The following TECPR1 variants were observed in gnomAD, a reference collection of about 807,000 sequenced individuals.
The protein encoded by TECPR1 is tectonin beta-propeller repeat-containing protein 1.
In TECPR1, 122 loss-of-function variants were observed where a neutral mutation model predicts 162.4. That is an observed-to-expected ratio of 0.75 (90% CI 0.65 to 0.87). The LOEUF (loss-of-function observed/expected upper bound fraction) is 0.87, where lower values mean the gene tolerates loss of function less well. Ranked by LOEUF, TECPR1 falls within the 40% of genes least tolerant of loss-of-function variation. The pLI, the probability that TECPR1 is intolerant of heterozygous loss-of-function variation, is 0.00. For synonymous variants in TECPR1, 642 were observed against 670.6 expected (o/e 0.96, Z 0.66); for missense variants, 1,432 against 1,618.2 (o/e 0.88, Z 1.97).
rs531618264 is a variant in TECPR1, at chr7:98,241,626, C to T, written c.658-382G>A. On this transcript the variant is annotated intron_variant, in intron 6 of 25. Coordinates refer to ENST00000447648, the MANE Select transcript of TECPR1 (RefSeq NM_015395.3). This position sits in a 1 kb window ranked among gnomAD's most constrained non-coding sequence, Gnocchi z 5.0. ...ACTCCCATTCATAAACTATCTAAGA[C>T]GTCAGTTCTTTTTTCCTTCACTGAA... Among the ~76,000 whole-genome samples, 3 of 152,218 alleles carry T rather than the reference C, an allele frequency of 2.0e-5. No individual in the cohort carries two copies. Among genetic ancestry groups the T allele is most frequent in the African/African-American group, 7.2e-5 (3 of 41,456 alleles).
intron 13 of TECPR1, 183 bp from the exon 14 acceptor site, chr7:98,231,556 T>C: frequency 2.5e-6 from 1 of 393,388 alleles, no homozygotes; most frequent in Non-Finnish European, 4.1e-6. Context: ...CCCCCATTTC[T>C]GTACCCCCTC....
At position 98,215,516 on chromosome 7, in the gene TECPR1, T is replaced by G. The variant is rs1485016694; in HGVS notation, c.*1874A>C. 6.6e-6 allele frequency: 1 copy of G among 152,204 alleles called. No homozygotes were observed. The highest frequency in any genetic ancestry group is 1.5e-5 in the Non-Finnish European group (1 of 68,050). 9.4% of individuals were successfully genotyped at this position (152,204 alleles called of 1,614,324 possible). ...ATAAAAAACACCAGGGCACGGACAC[T>G]CCAGGGGAAATGCTTATTGAGTAAA... On this transcript the variant is annotated 3_prime_UTR_variant, in exon 26 of 26. Coordinates refer to ENST00000447648, the MANE Select transcript of TECPR1 (RefSeq NM_015395.3).
intron 9 of TECPR1, among the ~76,000 whole-genome samples, chr7:98,237,232 G>A (rs919433688): frequency 2.0e-5 from 3 of 152,100 alleles, no homozygotes; most frequent in Admixed American, 1.3e-4. Context: ...CCTGTCTTGC[G>A]TGTGCCCTCT....
chr7:98,232,022 G>A lies in TECPR1; in HGVS notation c.1819-63C>T, dbSNP rs981364375. On this transcript the variant is annotated intron_variant, in intron 12 of 25. Transcript: ENST00000447648. The surrounding 1 kb of genome is among the most constrained non-coding windows in gnomAD (Gnocchi z 4.6). ...GCCCGGGGTGCCAGGGGAGGAGGGCGGGGCTGGGGGTGCCCAGAGGAGGAG... is the reference window on the plus strand; with the variant it reads ...GCCCGGGGTGCCAGGGGAGGAGGGCAGGGCTGGGGGTGCCCAGAGGAGGAG... The A allele has an allele frequency of 1.5e-5, 23 of 1,523,434 alleles. No individual in the cohort carries two copies. Among genetic ancestry groups the A allele is most frequent in the East Asian group, 9.7e-5 (4 of 41,288 alleles). The allele number at this position is 1,523,434 out of a possible 1,614,324, so 94.4% of individuals were successfully genotyped here. A position where few individuals can be genotyped will look rare whatever the true frequency, so the allele number is the denominator to read the frequency against.
chr7:98,222,672 G>C (rs1321595085), intron 21 of TECPR1, 151 bp from the exon 22 acceptor site: 1 of 1,013,912 alleles, frequency 9.9e-7, no homozygotes, highest in African/African-American at 1.6e-5. Flanking sequence ...GCCTGATCTC[G>C]GTGCTTGTTG....
intron 17 of TECPR1, among the ~76,000 whole-genome samples, chr7:98,225,992 G>T (rs761728277): frequency 1.3e-5 from 2 of 152,208 alleles, no homozygotes; most frequent in African/African-American, 2.4e-5. Context: ...CACTCGAGTG[G>T]CAGGAAGCAG....
intron 8 of TECPR1, among the ~76,000 whole-genome samples, chr7:98,240,096 G>A (rs1295797035): frequency 9.2e-5 from 14 of 151,878 alleles, no homozygotes; most frequent in Admixed American, 8.5e-4. Context: ...GTGACAGAGC[G>A]ACACTCCGTC....
rs1238697945 is a variant in TECPR1, at chr7:98,224,832, C to T, written c.2659G>A (p.Glu887Lys). 6 of 1,581,098 alleles carry T rather than the reference C, an allele frequency of 3.8e-6. No individual in the cohort carries two copies. Among genetic ancestry groups the T allele is most frequent in the Non-Finnish European group, 5.2e-6 (6 of 1,164,380 alleles). Residue 887 changes from glutamate to lysine, a missense_variant, in exon 19 of 26, where the codon GAG (glutamate) becomes AAG (lysine). Physicochemically the swap from Glu to Lys is moderately conservative, Grantham distance 56 (BLOSUM62 1). Transcript: ENST00000447648. Reference protein sequence around the residue: ...DFSVPGGTDQEGWQYASDFPA... With the variant: ...DFSVPGGTDQKGWQYASDFPA... ...AAGTCGCTGGCATACTGCCACCCCT[C>T]CTGGTCCGTGCCCCCCGGAACGCTG...
intron 10 of TECPR1, among the ~76,000 whole-genome samples, chr7:98,235,125 T>C (rs1443031578): frequency 1.3e-5 from 2 of 152,228 alleles, no homozygotes; most frequent in Non-Finnish European, 2.9e-5. Flanking sequence ...GCCTGTGCTT[T>C]TGGTGTCATA....
chr7:98,233,584 G>T lies in TECPR1; in HGVS notation c.1509C>A (p.Ala503=), dbSNP rs555774063. Residue 503 remains alanine, a synonymous_variant, in exon 11 of 26, where the codon GCC becomes GCA. Transcript: ENST00000447648. The stretch of plus-strand genomic sequence containing the variant: ...GGCTGGTGGTCTCGGGGAAGCCAGC[G>T]GCCGAGTGGCTGGGCACTTTCTTGG... ...KEAKKVPSHS[A]AGFPETTSLS... 1.9e-6 allele frequency: 3 copies of T among 1,593,390 alleles called. No homozygotes were observed. Among genetic ancestry groups the T allele is most frequent in the Non-Finnish European group, 2.6e-6 (3 of 1,171,564 alleles).
In TECPR1 at chr7:98,222,877, C is replaced by T. The variant is rs1798178676; in HGVS notation, c.2928+113G>A. On this transcript the variant is annotated intron_variant, in intron 21 of 25. Coordinates refer to ENST00000447648, the MANE Select transcript of TECPR1 (RefSeq NM_015395.3). The stretch of plus-strand genomic sequence containing the variant: ...CCAGGGCACAGGGACCCACTCGGAC[C>T]ACAGGCAGTGTCCACTGGTCCTAGG... 1.1e-5 allele frequency: 15 copies of T among 1,400,084 alleles called. No individual in the cohort carries two copies. The South Asian group carries it at 1.5e-4, about 14-fold the overall frequency. The allele number at this position is 1,400,084 out of a possible 1,614,324, so 86.7% of individuals were successfully genotyped here. A position where few individuals can be genotyped will look rare whatever the true frequency, so the allele number is the denominator to read the frequency against.
chr7:98,238,079 T>G (rs534703655), intron 9 of TECPR1, among the ~76,000 whole-genome samples: 31 of 148,126 alleles, frequency 2.1e-4, no homozygotes, highest in South Asian at 1.3e-3. Context: ...GGCCGTGGTG[T>G]TTTTTTTTTA....
Position 98,244,667 on chromosome 7 carries a change from G to A in TECPR1, c.435C>T (p.Pro145=), listed in dbSNP as rs199498732. Reference sequence around the variant, plus strand: ...ACTTCTTGTCTTTCGTGTAGGTGGCGGGAAAGTCGATGGCGTACGTCCACC... The same window carrying A: ...ACTTCTTGTCTTTCGTGTAGGTGGCAGGAAAGTCGATGGCGTACGTCCACC... ...KGGWTYAIDF[P]ATYTKDKKWN... Residue 145 remains proline, a synonymous_variant, in exon 5 of 26, where the codon CCC becomes CCT. Transcript: ENST00000447648. The A allele has an allele frequency of 4.8e-5, 77 of 1,612,640 alleles. No individual in the cohort carries two copies. The highest frequency in any genetic ancestry group is 2.3e-4 in the African/African-American group (17 of 75,024).
rs1461179010 is a variant in TECPR1, at chr7:98,221,791, C to T, written c.3065-38G>A. On this transcript the variant is annotated intron_variant, in intron 22 of 25. Transcript: ENST00000447648. ...GGCTGACTCAGGCACGCTGCCTTCT[C>T]CTCCTTGCATGGGCCAGGTGGGGCT... is the stretch of plus-strand genomic sequence containing the variant. 2.5e-6 allele frequency: 4 copies of T among 1,576,280 alleles called. No individual in the cohort carries two copies. The South Asian group carries it at 4.4e-5, about 18-fold the overall frequency.
At chr7:98,217,847 C>A in intron 24 of TECPR1, 36 bp from the exon 25 acceptor site, 1 of 1,543,258 alleles carries the variant, frequency 6.5e-7, no homozygotes, top group East Asian at 2.5e-5. Context: ...TCAGCCCTAC[C>A]TGCAGTGGGA....
At chr7:98,224,644 C>T (rs1330555728) in intron 19 of TECPR1, among the ~76,000 whole-genome samples, 157 bp downstream of exon 19, 1 of 152,186 alleles carries the variant, frequency 6.6e-6, no homozygotes, top group Non-Finnish European at 1.5e-5. Flanking sequence ...GCTGGCTCCT[C>T]CCCCTCCAGT....
intron 1 of TECPR1, chr7:98,251,795 G>A (rs180855517): frequency 6.6e-6 from 1 of 152,384 alleles, no homozygotes; most frequent in East Asian, 1.9e-4. Flanking sequence ...AATACCCAGG[G>A]AGAGGGATAG....
rs779230282 is a variant in TECPR1, at chr7:98,233,598, G to C, written c.1495C>G (p.Pro499Ala). 6.3e-7 allele frequency: 1 copy of C among 1,589,150 alleles called. No individual in the cohort carries two copies. The highest frequency in any genetic ancestry group is 1.1e-5 in the South Asian group (1 of 87,622). ...NIDLKEAKKV[P>A]SHSAAGFPET... ...GGGAAGCCAGCGGCCGAGTGGCTGG[G>C]CACTTTCTTGGCCTCCTTGAGGTCA... is the stretch of plus-strand genomic sequence containing the variant. The change falls in exon 11 of 26, where the codon CCC becomes GCC. Residue 499 changes from proline (P) to alanine (A), a missense_variant. Coordinates refer to ENST00000447648, the MANE Select transcript of TECPR1 (RefSeq NM_015395.3).
intron 2 of TECPR1, among the ~76,000 whole-genome samples, chr7:98,249,726 G>C (rs188738047): frequency 6.6e-6 from 1 of 152,318 alleles, no homozygotes; most frequent in East Asian, 1.9e-4. Flanking sequence ...AAGGCGGGCA[G>C]ATTGCTTGAG....
Sources: allele counts gnomAD v4.1 joint callset (sites outside exome capture counted in the v4.1 genomes callset), GRCh38; gene constraint gnomAD v4.1.1; non-coding constraint Gnocchi (gnomAD v3.1); transcripts MANE v1.5; gene names NCBI Gene and HGNC (gene_info 2026-07-23, HGNC 2026-07-21).